Variants in SORCS3 observed in about 807,000 individuals in gnomAD.
SORCS3 encodes VPS10 domain-containing receptor SorCS3.
In SORCS3, 57 loss-of-function variants were observed where a neutral mutation model predicts 146.3. That is an observed-to-expected ratio of 0.39 (90% CI 0.31 to 0.49). SORCS3 has a LOEUF of 0.49. Ranked by LOEUF, SORCS3 falls within the 20% of genes least tolerant of loss-of-function variation. The pLI, the probability that SORCS3 is intolerant of heterozygous loss-of-function variation, is 0.92. For synonymous variants in SORCS3, 653 were observed against 618.5 expected, an observed-to-expected ratio of 1.06 and a Z score of -0.83; for missense variants, 1,341 against 1,575.5, an observed-to-expected ratio of 0.85 and a Z score of 2.52.
At position 105,187,772 on chromosome 10, in the gene SORCS3, C is replaced by T. The variant is rs746117880; in HGVS notation, c.2009+9599C>T. Among the ~76,000 whole-genome samples, 68 of 152,238 alleles carry T rather than the reference C, an allele frequency of 4.5e-4. No homozygotes were observed. The Middle Eastern group carries it at 0.01, about 23-fold the overall frequency. On this transcript the variant is annotated intron_variant, in intron 14 of 26. Coordinates refer to ENST00000369701, the MANE Select transcript of SORCS3 (RefSeq NM_014978.3). Reference sequence around the variant, plus strand: ...TATTTCTTTACTCAACAATACGTATCGATAGCTTACTACAAGGCAGGCACT... The same window carrying T: ...TATTTCTTTACTCAACAATACGTATTGATAGCTTACTACAAGGCAGGCACT...
chr10:105,044,838 C>T lies in SORCS3; in HGVS notation c.1028+1710C>T, dbSNP rs74155100. 4.9e-3 allele frequency among the ~76,000 whole-genome samples: 744 copies of T among 152,050 alleles called. 6 individuals are homozygous for T. Among genetic ancestry groups the T allele is most frequent in the African/African-American group, 0.017 (691 of 41,468 alleles). Reference sequence around the variant, plus strand: ...GCCCCTTACAGGCCTACTATTATTTCATCTGTAGCTGTTATTCCAACTATT... The same window carrying T: ...GCCCCTTACAGGCCTACTATTATTTTATCTGTAGCTGTTATTCCAACTATT... On this transcript the variant is annotated intron_variant, in intron 5 of 26. Transcript: ENST00000369701.
At chr10:104,762,401 T>C (rs1002804854) in intron 1 of SORCS3, among the ~76,000 whole-genome samples, 1 of 152,206 alleles carries the variant, frequency 6.6e-6, no homozygotes, top group Non-Finnish European at 1.5e-5. Context: ...AGGAAACGCA[T>C]TTGCTTTTCT....
At chr10:105,220,479 G>C (rs1049144935) in intron 19 of SORCS3, among the ~76,000 whole-genome samples, 2 of 152,154 alleles carry the variant, frequency 1.3e-5, no homozygotes, top group South Asian at 2.1e-4. Context: ...AGAAACTCAA[G>C]GCCATGAACC....
intron 2 of SORCS3, among the ~76,000 whole-genome samples, chr10:104,876,922 C>T (rs906825775): frequency 6.6e-6 from 1 of 151,952 alleles, no homozygotes; most frequent in Non-Finnish European, 1.5e-5. Flanking sequence ...GCAAAGCAAT[C>T]GCAGCTCACT....
At chr10:104,981,310 A>G (rs1488686851) in intron 4 of SORCS3, among the ~76,000 whole-genome samples, 2 of 152,192 alleles carry the variant, frequency 1.3e-5, no homozygotes, top group African/African-American at 2.4e-5. Flanking sequence ...GTATCTTTGT[A>G]GATATTTTAT....
chr10:104,947,826 T>C (rs1353403684), intron 3 of SORCS3, among the ~76,000 whole-genome samples: 1 of 152,100 alleles, frequency 6.6e-6, no homozygotes, highest in East Asian at 1.9e-4. Flanking sequence ...TTTCACCATG[T>C]TGGCTGGACT....
intron 1 of SORCS3, among the ~76,000 whole-genome samples, chr10:104,686,082 T>C (rs1433030439): frequency 6.6e-6 from 1 of 152,006 alleles, no homozygotes; most frequent in Non-Finnish European, 1.5e-5. Context: ...TGAAGTGGAA[T>C]GAAAGTAGGT....
At position 104,716,180 on chromosome 10, in the gene SORCS3, G is replaced by A. The variant is rs547005154; in HGVS notation, c.627+74226G>A. Among the ~76,000 whole-genome samples, 41 of 151,924 alleles carry A rather than the reference G, an allele frequency of 2.7e-4. No individual in the cohort carries two copies. In the South Asian group the frequency reaches 4.6e-3, roughly 17 times the overall value. ...TTTTTCTCATAACATTTTCACTGTC[G>A]GACAGGTAATTTACTTATTTATTTT... On this transcript the variant is annotated intron_variant, in intron 1 of 26. Coordinates refer to ENST00000369701, the MANE Select transcript of SORCS3 (RefSeq NM_014978.3).
intron 13 of SORCS3, 116 bp downstream of exon 13, chr10:105,167,465 A>G (rs1034065764): frequency 3.4e-5 from 24 of 711,242 alleles, no homozygotes; most frequent in South Asian, 3.1e-4. Context: ...TCATCCATTT[A>G]TTTATCCATC....
chr10:105,229,344 T>C (rs2056753990), intron 20 of SORCS3, among the ~76,000 whole-genome samples: 1 of 152,196 alleles, frequency 6.6e-6, no homozygotes, highest in African/African-American at 2.4e-5. Flanking sequence ...TCTTGGATTT[T>C]ATAATTGTTT....
chr10:105,223,200 G>C lies in SORCS3; in HGVS notation c.2819G>C (p.Ser940Thr). Residue 940 changes from serine to threonine, a missense_variant, in exon 20 of 27, where the codon AGT becomes ACT. By Grantham distance (58) the Ser-to-Thr change is moderately conservative. Coordinates refer to ENST00000369701, the MANE Select transcript of SORCS3 (RefSeq NM_014978.3). ...AACATCAGTGCAGTCGTGTGGCCCA[G>C]TCAACTGGGGACCCTTACCTATTTC... ...EVNISAVVWP[S>T]QLGTLTYFWW... The C allele has an allele frequency of 6.2e-7, 1 of 1,613,238 alleles. No homozygotes were observed. Among genetic ancestry groups the C allele is most frequent in the Non-Finnish European group, 8.5e-7 (1 of 1,179,444 alleles).
intron 3 of SORCS3, among the ~76,000 whole-genome samples, chr10:104,958,505 G>A (rs1158261223): frequency 1.3e-5 from 2 of 152,228 alleles, no homozygotes; most frequent in African/African-American, 2.4e-5. Context: ...TTATCAGGTC[G>A]GCCATTGTAA....
intron 20 of SORCS3, among the ~76,000 whole-genome samples, chr10:105,241,960 G>A (rs1490675186): frequency 6.6e-6 from 1 of 152,052 alleles, no homozygotes; most frequent in Non-Finnish European, 1.5e-5. Flanking sequence ...GCACCAAACA[G>A]GGAGAAAAGT....
intron 1 of SORCS3, among the ~76,000 whole-genome samples, chr10:104,757,893 G>T (rs1324597632): frequency 6.8e-6 from 1 of 146,554 alleles, no homozygotes; most frequent in Non-Finnish European, 1.5e-5. Context: ...GATGCTGATA[G>T]TGGCTGTCTA....
chr10:104,900,067 C>T (rs1430617817), intron 2 of SORCS3, among the ~76,000 whole-genome samples: 1 of 152,146 alleles, frequency 6.6e-6, no homozygotes, highest in African/African-American at 2.4e-5. Context: ...TCTTGCTTCC[C>T]TTTCTCCCAT....
chr10:104,742,863 G>A (rs917595604), intron 1 of SORCS3, among the ~76,000 whole-genome samples: 3 of 152,176 alleles, frequency 2.0e-5, no homozygotes, highest in Non-Finnish European at 4.4e-5. Context: ...ACTTAGGGCT[G>A]AGACTCCGTA....
chr10:104,865,118 G>C (rs577875983), intron 2 of SORCS3, among the ~76,000 whole-genome samples: 1 of 152,210 alleles, frequency 6.6e-6, no homozygotes, highest in Non-Finnish European at 1.5e-5. Flanking sequence ...TTTCACTACT[G>C]TTTCCCCTTC....
At chr10:105,238,628 A>C (rs1259464844) in intron 20 of SORCS3, among the ~76,000 whole-genome samples, 1 of 152,186 alleles carries the variant, frequency 6.6e-6, no homozygotes, top group Non-Finnish European at 1.5e-5. Flanking sequence ...GATGGCTTTG[A>C]ATGATAAAAA....
At chr10:104,789,770 G>A (rs1564684198) in intron 1 of SORCS3, among the ~76,000 whole-genome samples, 1 of 152,168 alleles carries the variant, frequency 6.6e-6, no homozygotes. Context: ...TGTGGGGATG[G>A]GCTCTGTCTG....
Sources: allele counts gnomAD v4.1 joint callset (sites outside exome capture counted in the v4.1 genomes callset), GRCh38; gene constraint gnomAD v4.1.1; transcripts MANE v1.5; gene names NCBI Gene and HGNC (gene_info 2026-07-23, HGNC 2026-07-21).